The following CPEB2 variants were observed in gnomAD, a reference collection of about 807,000 sequenced individuals.
CPEB2 encodes the protein cytoplasmic polyadenylation element binding protein 2.
Under a neutral mutation model 93.6 loss-of-function variants are expected in CPEB2, and 56 were observed. The ratio of observed to expected loss-of-function variants is 0.60; its 90% CI spans 0.48 to 0.75. The LOEUF is 0.75. Ranked by LOEUF, CPEB2 falls within the 30% of genes least tolerant of loss-of-function variation. CPEB2 has a pLI of 0.00. For missense variants in CPEB2, 1,579 were observed against 1,395.1 expected, an observed-to-expected ratio of 1.13 and a Z score of -2.10; for synonymous variants, 764 against 586.3, an observed-to-expected ratio of 1.30 and a Z score of -4.38.
Position 15,067,255 on chromosome 4 carries a change from T to C in CPEB2, c.*875T>C, listed in dbSNP as rs1729769406. Reference sequence around the variant, plus strand: ...ATAAAATTTGTTTAAAAAAGCAAACTTGCATGCATTATTGTGACTTCAAGT... The same window carrying C: ...ATAAAATTTGTTTAAAAAAGCAAACCTGCATGCATTATTGTGACTTCAAGT... On this transcript the variant is annotated 3_prime_UTR_variant, in exon 12 of 12. Transcript: ENST00000538197. The C allele has an allele frequency of 6.6e-6, 1 of 152,442 alleles. No individual in the cohort carries two copies. The highest frequency in any genetic ancestry group is 1.5e-5 in the Non-Finnish European group (1 of 67,970). The allele number at this position is 152,442 out of a possible 1,614,324, so 9.4% of individuals were successfully genotyped here. A position where few individuals can be genotyped will look rare whatever the true frequency, so the allele number is the denominator to read the frequency against.
intron 10 of CPEB2, among the ~76,000 whole-genome samples, chr4:15,061,378 C>A (rs1729175566): frequency 6.6e-6 from 1 of 151,906 alleles, no homozygotes; most frequent in African/African-American, 2.4e-5. Flanking sequence ...GAGGTAGGAG[C>A]AGAATTAGTG....
chr4:15,004,125 C>CGGGGGGGGGGGGGGGGGGGGGGGGG lies in CPEB2; in HGVS notation c.1454_1455insGGGGGGGGGGGGGGGGGGGGGGGGG (p.Phe488GlyfsTer72). 2 of 1,514,228 alleles carry CGGGGGGGGGGGGGGGGGGGGGGGGG rather than the reference C, an allele frequency of 1.3e-6. No homozygotes were observed. Among genetic ancestry groups the CGGGGGGGGGGGGGGGGGGGGGGGGG allele is most frequent in the East Asian group, 2.7e-5 (1 of 36,474 alleles). The allele number at this position is 1,514,228 out of a possible 1,614,324, so 93.8% of individuals were successfully genotyped here. Reference sequence around the variant, plus strand: ...TCAGCGTTCCGACGAGCGGCGGCGGCGGCGGCGGCTTCGGCGGCCCCTTCT... The same window carrying CGGGGGGGGGGGGGGGGGGGGGGGGG: ...TCAGCGTTCCGACGAGCGGCGGCGGCGGGGGGGGGGGGGGGGGGGGGGGGGGGCGGCGGCTTCGGCGGCCCCTTCT... On this transcript the variant is annotated frameshift_variant, in exon 1 of 12. Coordinates refer to ENST00000538197, the MANE Select transcript of CPEB2 (RefSeq NM_001177382.2). LOFTEE classifies it high-confidence loss of function.
intron 11 of CPEB2, among the ~76,000 whole-genome samples, chr4:15,064,932 A>T (rs767657369): frequency 1.3e-5 from 2 of 152,296 alleles, no homozygotes; most frequent in East Asian, 1.9e-4. Context: ...AAGAGAACTC[A>T]TAAATCAATT....
In CPEB2 at chr4:15,003,131, C is replaced by T. The variant is rs985638365; in HGVS notation, c.458C>T (p.Ser153Phe). 4 of 1,532,938 alleles carry T rather than the reference C, an allele frequency of 2.6e-6. No individual in the cohort carries two copies. Among genetic ancestry groups the T allele is most frequent in the Non-Finnish European group, 2.6e-6 (3 of 1,145,746 alleles). The allele number at this position is 1,532,938 out of a possible 1,614,324, so 95.0% of individuals were successfully genotyped here. ...SLHHPSSSSA[S>F]SCCCCRTSSP... Reference sequence around the variant, plus strand: ...CACCACCCCTCCTCCTCCTCCGCCTCCTCCTGCTGCTGCTGCCGCACCTCC... The same window carrying T: ...CACCACCCCTCCTCCTCCTCCGCCTTCTCCTGCTGCTGCTGCCGCACCTCC... The change falls in exon 1 of 12, where the codon TCC (serine) becomes TTC (phenylalanine). Residue 153 changes from serine to phenylalanine, a missense_variant. Coordinates refer to ENST00000538197, the MANE Select transcript of CPEB2 (RefSeq NM_001177382.2).
intron 3 of CPEB2, among the ~76,000 whole-genome samples, chr4:15,011,473 G>A (rs1049497536): frequency 1.3e-5 from 2 of 151,996 alleles, no homozygotes; most frequent in Non-Finnish European, 2.9e-5. Flanking sequence ...TTACCCTTGC[G>A]AGAATCGTAC....
chr4:15,045,246 TAATC>T (rs1219372165), intron 6 of CPEB2, among the ~76,000 whole-genome samples: 2 of 152,148 alleles, frequency 1.3e-5, no homozygotes, highest in Non-Finnish European at 2.9e-5. Flanking sequence ...GGGTTATAAT[TAATC>T]TTCTCTGCTT....
chr4:15,054,969 C>T (rs1280443193), intron 8 of CPEB2, among the ~76,000 whole-genome samples: 1 of 152,162 alleles, frequency 6.6e-6, no homozygotes, highest in Non-Finnish European at 1.5e-5. Context: ...ACATACTATT[C>T]AGTTTCATGA....
chr4:15,051,155 A>AT (rs1473027129), intron 6 of CPEB2, among the ~76,000 whole-genome samples: 1 of 151,616 alleles, frequency 6.6e-6, no homozygotes, highest in African/African-American at 2.4e-5. Context: ...TCCTTTGTGG[A>AT]TTTTTTGCAC....
chr4:15,039,940 T>C (rs1199060019), intron 5 of CPEB2, among the ~76,000 whole-genome samples: 1 of 152,116 alleles, frequency 6.6e-6, no homozygotes, highest in Non-Finnish European at 1.5e-5. Flanking sequence ...GGCTTCAGAG[T>C]ATCAGTTTAA....
chr4:15,013,045 T>C (rs559786678), intron 3 of CPEB2, among the ~76,000 whole-genome samples: 155 of 152,192 alleles, frequency 1.0e-3, no homozygotes, highest in African/African-American at 3.2e-3. Flanking sequence ...TATTTTTCAG[T>C]GTTTATAATC....
intron 8 of CPEB2, 98 bp from the exon 9 acceptor site, chr4:15,058,323 T>A: frequency 1.4e-6 from 1 of 693,248 alleles, no homozygotes; most frequent in Non-Finnish European, 2.5e-6. Context: ...GATAGTTTGT[T>A]TTTTTTTTTC....
chr4:15,030,250 A>G (rs1357031574), intron 4 of CPEB2, among the ~76,000 whole-genome samples: 2 of 152,072 alleles, frequency 1.3e-5, no homozygotes, highest in African/African-American at 2.4e-5. Flanking sequence ...TTGTCCTACA[A>G]CCAACCATGT....
intron 11 of CPEB2, among the ~76,000 whole-genome samples, chr4:15,062,981 T>C (rs1729339441): frequency 6.6e-6 from 1 of 152,098 alleles, no homozygotes; most frequent in Non-Finnish European, 1.5e-5. Flanking sequence ...CCAAAATCTG[T>C]GAACAGTTCC....
intron 9 of CPEB2, 41 bp downstream of exon 9, chr4:15,058,580 T>G: frequency 8.8e-7 from 1 of 1,139,408 alleles, no homozygotes; most frequent in East Asian, 2.4e-5. Context: ...CAAATGCAAA[T>G]TTTTCAAAAA....
chr4:15,037,682 C>G (rs1320788167), intron 5 of CPEB2, among the ~76,000 whole-genome samples: 1 of 152,128 alleles, frequency 6.6e-6, no homozygotes, highest in East Asian at 1.9e-4. Context: ...AATAAGGACA[C>G]ACATGTGTCA....
chr4:15,015,710 T>C (rs775046339), intron 3 of CPEB2, among the ~76,000 whole-genome samples: 2 of 152,020 alleles, frequency 1.3e-5, no homozygotes, highest in Admixed American at 1.3e-4. Flanking sequence ...AAAGAAATTA[T>C]GTACACACTA....
chr4:15,064,346 G>C (rs1729485193), intron 11 of CPEB2, among the ~76,000 whole-genome samples: 1 of 152,062 alleles, frequency 6.6e-6, no homozygotes, highest in South Asian at 2.1e-4. Flanking sequence ...AATAGGTTTT[G>C]AAATTCAATT....
intron 5 of CPEB2, among the ~76,000 whole-genome samples, chr4:15,033,680 A>G (rs975477287): frequency 2.6e-5 from 4 of 152,240 alleles, no homozygotes; most frequent in African/African-American, 9.6e-5. Context: ...TACTCAAACT[A>G]GAAAGCTTAC....
Position 15,008,359 on chromosome 4 carries a change from C to A in CPEB2, c.1966C>A (p.Pro656Thr). The A allele has an allele frequency of 6.2e-7, 1 of 1,613,654 alleles. No individual in the cohort carries two copies. The highest frequency in any genetic ancestry group is 8.5e-7 in the Non-Finnish European group (1 of 1,179,748). Residue 656 changes from proline to threonine, a missense_variant, in exon 3 of 12, where the codon CCA becomes ACA. Around this residue, in one of 2 missense-constraint regions of CPEB2, gnomAD observed 1,411 missense variants for 1,056.0 expected, o/e 1.34. Coordinates refer to ENST00000538197, the MANE Select transcript of CPEB2 (RefSeq NM_001177382.2). ...GAAGGTGAGATCTAGTTTGCAGTTG[C>A]CAGCTTGGGGCTCAGATTCACTCCA... ...PLQVRSSLQL[P>T]AWGSDSLQDS...
Sources: gnomAD v4.1 joint callset for allele counts (sites outside exome capture counted in the v4.1 genomes callset) on GRCh38, gnomAD v4.1.1 for gene constraint, gnomAD v4.1.1 regional missense constraint, MANE v1.5 for transcripts, NCBI Gene and HGNC (gene_info 2026-07-23, HGNC 2026-07-21) for gene names.